The following EYS variants were observed in gnomAD, a reference collection of about 807,000 sequenced individuals.
The protein encoded by EYS is EGF-like photoreceptor maintenance factor, also known as protein eyes shut homolog.
In EYS, 250 loss-of-function variants were observed where a neutral mutation model predicts 282.1. The observed-to-expected ratio is 0.89, with a 90% CI of 0.80 to 0.98. EYS has a LOEUF of 0.98. Among genes scored for constraint, EYS ranks in the 50% least tolerant of loss-of-function variants. EYS has a pLI of 0.00. For missense variants in EYS, 4,016 were observed against 3,709.0 expected (o/e 1.08, Z -2.15); for synonymous variants, 1,355 against 1,282.9 (o/e 1.06, Z -1.20).
At chr6:65,421,608 T>C (rs1187032310) in intron 5 of EYS, among the ~76,000 whole-genome samples, 1 of 151,994 alleles carries the variant, frequency 6.6e-6, no homozygotes, top group Non-Finnish European at 1.5e-5. Context: ...AAGGCCTAGC[T>C]TCTGGGCTAT....
chr6:64,839,942 G>A (rs1288631351), intron 19 of EYS, among the ~76,000 whole-genome samples: 1 of 152,036 alleles, frequency 6.6e-6, no homozygotes, highest in Non-Finnish European at 1.5e-5. Context: ...TGGAGATTAA[G>A]TTTTAACACA....
At chr6:65,191,913 GTTAAC>G (rs1311186494) in intron 12 of EYS, among the ~76,000 whole-genome samples, 2 of 151,074 alleles carry the variant, frequency 1.3e-5, no homozygotes, top group African/African-American at 4.9e-5. Context: ...ATTTTCAGTG[GTTAAC>G]TTAAGGGTAA....
At chr6:64,944,901 G>A (rs1236183210) in intron 15 of EYS, among the ~76,000 whole-genome samples, 2 of 152,042 alleles carry the variant, frequency 1.3e-5, no homozygotes, top group African/African-American at 2.4e-5. Flanking sequence ...TTATGTGCAT[G>A]TCCAGTCATA....
chr6:63,735,047 T>C (rs1768874779), intron 41 of EYS, among the ~76,000 whole-genome samples: 1 of 152,154 alleles, frequency 6.6e-6, no homozygotes, highest in African/African-American at 2.4e-5. Flanking sequence ...ATATTATATT[T>C]ACATTTACAG....
intron 36 of EYS, among the ~76,000 whole-genome samples, chr6:63,849,607 C>A (rs1772189065): frequency 1.3e-5 from 2 of 152,158 alleles, no homozygotes; most frequent in Admixed American, 1.3e-4. Context: ...GGAAAACTAA[C>A]AAACAGAAAG....
Position 64,306,979 on chromosome 6 carries a change from T to A in EYS, c.6182A>T (p.Asn2061Ile). 6.8e-7 allele frequency: 1 copy of A among 1,479,936 alleles called. No homozygotes were observed. Among genetic ancestry groups the A allele is most frequent in the Non-Finnish European group, 9.2e-7 (1 of 1,084,034 alleles). The allele number at this position is 1,479,936 out of a possible 1,614,324, so 91.7% of individuals were successfully genotyped here. ...PSKAVKNYHI[N>I]NCRSQGFMLS... The stretch of plus-strand genomic sequence containing the variant: ...ACTACTGCTATTTTACCTGCAATTG[T>A]TAATGTGATAGTTTTTCACTGCCTT... Residue 2061 changes from asparagine (N) to isoleucine (I), a missense_variant, in exon 30 of 43, where the codon AAC (asparagine) becomes ATC (isoleucine). Asn to Ile is a moderately radical substitution (Grantham distance 149). Coordinates refer to ENST00000503581, the MANE Select transcript of EYS (RefSeq NM_001142800.2).
intron 5 of EYS, among the ~76,000 whole-genome samples, chr6:65,446,183 C>T (rs1305352190): frequency 6.6e-6 from 1 of 151,266 alleles, no homozygotes; most frequent in Non-Finnish European, 1.5e-5. Context: ...TGTTAAGACA[C>T]AAGAGATAAT....
chr6:65,508,397 G>A (rs2127284513), intron 2 of EYS, among the ~76,000 whole-genome samples: 1 of 152,160 alleles, frequency 6.6e-6, no homozygotes, highest in East Asian at 1.9e-4. Flanking sequence ...TCTTCTGCCA[G>A]GAGTGGTGGC....
intron 2 of EYS, among the ~76,000 whole-genome samples, chr6:65,574,688 T>C (rs1488104102): frequency 6.6e-6 from 1 of 152,154 alleles, no homozygotes; most frequent in Non-Finnish European, 1.5e-5. Flanking sequence ...AATACTCCAC[T>C]TTCAAAGATG....
At chr6:64,484,965 T>A (rs184984356) in intron 26 of EYS, among the ~76,000 whole-genome samples, 1 of 151,604 alleles carries the variant, frequency 6.6e-6, no homozygotes, top group Non-Finnish European at 1.5e-5. Flanking sequence ...CCACTAGATA[T>A]GATTTTCAAA....
chr6:64,221,194 A>C (rs1766090841), intron 31 of EYS, among the ~76,000 whole-genome samples: 1 of 152,148 alleles, frequency 6.6e-6, no homozygotes, highest in South Asian at 2.1e-4. Flanking sequence ...TAGTTACTAC[A>C]TTTGTACTAT....
intron 31 of EYS, among the ~76,000 whole-genome samples, chr6:64,144,511 C>T (rs957490597): frequency 6.6e-6 from 1 of 152,114 alleles, no homozygotes; most frequent in Non-Finnish European, 1.5e-5. Flanking sequence ...GGCAGGCACC[C>T]TAATCCTAAC....
intron 33 of EYS, among the ~76,000 whole-genome samples, chr6:64,042,155 G>A (rs755494137): frequency 5.3e-5 from 8 of 152,186 alleles, no homozygotes; most frequent in African/African-American, 4.8e-5. Context: ...TTATAAGGCA[G>A]CAGGTCATAT....
At chr6:64,878,212 C>T (rs554986610) in intron 19 of EYS, among the ~76,000 whole-genome samples, 10 of 151,876 alleles carry the variant, frequency 6.6e-5, no homozygotes, top group African/African-American at 2.2e-4. Context: ...GCGACAACAG[C>T]GAGACTCCAT....
chr6:64,806,897 A>G (rs1180760960), intron 22 of EYS, among the ~76,000 whole-genome samples: 1 of 152,112 alleles, frequency 6.6e-6, no homozygotes, highest in Non-Finnish European at 1.5e-5. Context: ...TTTATAAATC[A>G]TTTCCTAAAT....
chr6:64,188,203 A>C (rs1190001087), intron 31 of EYS, among the ~76,000 whole-genome samples: 1 of 152,038 alleles, frequency 6.6e-6, no homozygotes, highest in East Asian at 1.9e-4. Context: ...CATCCTTTTT[A>C]CCTTGCCAAC....
chr6:64,533,154 G>C (rs145033832), intron 26 of EYS, among the ~76,000 whole-genome samples: 6 of 152,096 alleles, frequency 3.9e-5, no homozygotes, highest in Non-Finnish European at 7.4e-5. Flanking sequence ...CATAGTAATC[G>C]TCTAAATCAA....
At chr6:64,685,952 C>T (rs80259271) in intron 22 of EYS, among the ~76,000 whole-genome samples, 131 of 151,802 alleles carry the variant, frequency 8.6e-4, no homozygotes, top group Middle Eastern at 3.4e-3. Context: ...AGTATGTTTT[C>T]TGACCATGAT....
At chr6:65,387,583 T>A (rs1223380629) in intron 7 of EYS, among the ~76,000 whole-genome samples, 1 of 151,930 alleles carries the variant, frequency 6.6e-6, no homozygotes, top group Non-Finnish European at 1.5e-5. Flanking sequence ...AAATATTTTT[T>A]AAAGAGTTAA....
Sources: gnomAD v4.1 joint callset for allele counts (sites outside exome capture counted in the v4.1 genomes callset) on GRCh38, gnomAD v4.1.1 for gene constraint, MANE v1.5 for transcripts, NCBI Gene and HGNC (gene_info 2026-07-23, HGNC 2026-07-21) for gene names.